MCC: variants seen among roughly 807,000 people sequenced by gnomAD.
MCC encodes MCC regulator of Wnt signaling pathway.
MCC carries 90 observed loss-of-function variants against 116.2 expected under a neutral mutation model. That is an observed-to-expected ratio of 0.77 (90% CI 0.65 to 0.92). The LOEUF is 0.92. MCC is among the 40% of genes least tolerant of loss of function. The pLI is 0.00. For missense variants in MCC, 1,516 were observed against 1,312.2 expected (o/e 1.16, Z -2.40); for synonymous variants, 578 against 510.5 (o/e 1.13, Z -1.78).
intron 3 of MCC, among the ~76,000 whole-genome samples, chr5:113,289,174 T>C (rs1393444543): frequency 6.6e-6 from 1 of 151,630 alleles, no homozygotes; most frequent in Non-Finnish European, 1.5e-5. Flanking sequence ...CTACTAAAAA[T>C]ACAAAAATTA....
At chr5:113,055,212 C>T (rs546117797) in intron 14 of MCC, among the ~76,000 whole-genome samples, 7 of 152,314 alleles carry the variant, frequency 4.6e-5, no homozygotes, top group South Asian at 2.1e-4. Flanking sequence ...GCCGCAGCCT[C>T]GTCCCACAGC....
chr5:113,313,946 A>C (rs554954666), intron 3 of MCC, among the ~76,000 whole-genome samples: 14 of 152,066 alleles, frequency 9.2e-5, no homozygotes, highest in Non-Finnish European at 1.3e-4. Context: ...TCGGCCTCCC[A>C]AGTAGCTGGG....
chr5:113,091,220 G>A (rs1474542495), intron 8 of MCC, among the ~76,000 whole-genome samples: 1 of 152,178 alleles, frequency 6.6e-6, no homozygotes, highest in Non-Finnish European at 1.5e-5. Flanking sequence ...CATACTGTGG[G>A]ACTCCAAACT....
At chr5:113,053,135 A>C (rs1455139344) in intron 15 of MCC, among the ~76,000 whole-genome samples, 2 of 152,142 alleles carry the variant, frequency 1.3e-5, no homozygotes, top group Non-Finnish European at 2.9e-5. Context: ...TTTCCAAGAA[A>C]GCTCCCTTCT....
chr5:113,032,533 A>T (rs1157719660), intron 17 of MCC, among the ~76,000 whole-genome samples: 1 of 152,194 alleles, frequency 6.6e-6, no homozygotes, highest in African/African-American at 2.4e-5. Flanking sequence ...CTACTAGAAA[A>T]TTTAAAATTA....
At chr5:113,293,553 T>A (rs1766592458) in intron 3 of MCC, among the ~76,000 whole-genome samples, 1 of 152,152 alleles carries the variant, frequency 6.6e-6, no homozygotes, top group Non-Finnish European at 1.5e-5. Context: ...ATTCAAAGCT[T>A]TGAGGGATGT....
At chr5:113,132,999 ACTTT>A (rs1344825051) in intron 5 of MCC, among the ~76,000 whole-genome samples, 1 of 151,798 alleles carries the variant, frequency 6.6e-6, no homozygotes, top group Non-Finnish European at 1.5e-5. Context: ...AGAATCTATA[ACTTT>A]CTTTTTTTTT....
At chr5:113,252,626 C>T (rs1764844870) in intron 3 of MCC, among the ~76,000 whole-genome samples, 1 of 152,146 alleles carries the variant, frequency 6.6e-6, no homozygotes, top group Non-Finnish European at 1.5e-5. Flanking sequence ...ATAAAGGGCA[C>T]AATAAATGTA....
At chr5:113,327,575 TATATATATATAA>T (rs1767599549) in intron 3 of MCC, among the ~76,000 whole-genome samples, 1 of 132,820 alleles carries the variant, frequency 7.5e-6, no homozygotes, top group Admixed American at 7.6e-5. Context: ...TATATATATA[TATATATATATAA>T]AAATCTCATC....
In MCC at chr5:113,220,203, G is replaced by A. The variant is rs368829693; in HGVS notation, c.628-68781C>T. On this transcript the variant is annotated intron_variant, in intron 3 of 18. Coordinates refer to ENST00000408903, the MANE Select transcript of MCC (RefSeq NM_001085377.2). The stretch of plus-strand genomic sequence containing the variant: ...CTCCTCAGTAGCTGGGATTACAGGC[G>A]CCCGCCACCACGCCCAGCTAATTTT... Among the ~76,000 whole-genome samples, 68 of 139,384 alleles carry A rather than the reference G, an allele frequency of 4.9e-4. 7 individuals carry two copies. Among genetic ancestry groups the A allele is most frequent in the Admixed American group, 1.4e-3 (20 of 13,914 alleles). The allele number at this position is 139,384 out of a possible 152,430, so 91.4% of individuals were successfully genotyped here.
intron 3 of MCC, chr5:113,204,573 C>CT (rs2150320446): frequency 6.6e-6 from 1 of 152,318 alleles, no homozygotes; most frequent in Non-Finnish European, 1.5e-5. Flanking sequence ...TTAGGCAGAT[C>CT]TGAGGGTGCT....
chr5:113,057,509 A>AT (rs1752913531), intron 14 of MCC, among the ~76,000 whole-genome samples: 2 of 152,150 alleles, frequency 1.3e-5, no homozygotes. Flanking sequence ...TTTAAAAATG[A>AT]GAGGGGAGAA....
At chr5:113,393,624 C>T (rs1286596882) in intron 1 of MCC, among the ~76,000 whole-genome samples, 4 of 152,216 alleles carry the variant, frequency 2.6e-5, no homozygotes, top group Admixed American at 1.3e-4. Context: ...GTCCCACTAG[C>T]AGTGTCTGAG....
chr5:113,311,695 G>A (rs1007042341), intron 3 of MCC, among the ~76,000 whole-genome samples: 3 of 152,246 alleles, frequency 2.0e-5, no homozygotes, highest in Non-Finnish European at 2.9e-5. Flanking sequence ...ATAGCTGGCC[G>A]GGCATGGTGG....
chr5:113,212,937 T>C (rs1240083614), intron 3 of MCC, among the ~76,000 whole-genome samples: 1 of 152,248 alleles, frequency 6.6e-6, no homozygotes, highest in Non-Finnish European at 1.5e-5. Flanking sequence ...TTCTGATGTT[T>C]CTTTACCTGT....
intron 8 of MCC, among the ~76,000 whole-genome samples, chr5:113,093,558 G>A (rs757372388): frequency 8.5e-5 from 13 of 152,132 alleles, no homozygotes; most frequent in Non-Finnish European, 1.8e-4. Context: ...GTGGGAAAGT[G>A]AGATGTTGGG....
intron 3 of MCC, among the ~76,000 whole-genome samples, chr5:113,211,463 C>A (rs553192440): frequency 6.6e-5 from 10 of 152,322 alleles, no homozygotes; most frequent in African/African-American, 1.9e-4. Context: ...AAAGACCCAG[C>A]CTTACTCTGT....
chr5:113,478,515 T>A (rs537924885), intron 1 of MCC, among the ~76,000 whole-genome samples: 1 of 152,166 alleles, frequency 6.6e-6, no homozygotes, highest in Non-Finnish European at 1.5e-5. Context: ...AGCCATTTAC[T>A]GTAATGGAGA....
intron 3 of MCC, among the ~76,000 whole-genome samples, chr5:113,181,240 G>C (rs1761612170): frequency 6.6e-6 from 1 of 152,126 alleles, no homozygotes; most frequent in African/African-American, 2.4e-5. Context: ...ATGTGCACAG[G>C]CCTCTTTAAG....
Sources: gnomAD v4.1 joint callset for allele counts (sites outside exome capture counted in the v4.1 genomes callset) on GRCh38, gnomAD v4.1.1 for gene constraint, MANE v1.5 for transcripts, NCBI Gene and HGNC (gene_info 2026-07-23, HGNC 2026-07-21) for gene names.